The following ZSCAN25 variants were observed in gnomAD, a reference collection of about 807,000 sequenced individuals.
ZSCAN25 encodes the protein zinc finger and SCAN domain containing 25, also known as zinc finger and SCAN domain-containing protein 25.
ZSCAN25 carries 27 observed loss-of-function variants against 38.7 expected under a neutral mutation model. The ratio of observed to expected loss-of-function variants is 0.70; its 90% confidence interval spans 0.51 to 0.96. The LOEUF is 0.96. Among genes scored for constraint, ZSCAN25 ranks in the 40% least tolerant of loss-of-function variants. The pLI, the probability that ZSCAN25 is intolerant of heterozygous loss-of-function variation, is 0.00. For missense variants in ZSCAN25, 637 were observed against 705.9 expected (o/e 0.90, Z 1.11); for synonymous variants, 273 against 277.7 (o/e 0.98, Z 0.17).
the ZSCAN25 span, among the ~76,000 whole-genome samples, chr7:99,640,960 A>G: frequency 6.6e-6 from 1 of 152,158 alleles, no homozygotes; most frequent in Non-Finnish European, 1.5e-5. Flanking sequence ...GCTCTGTTCT[A>G]TCATCTGAGT....
the ZSCAN25 span, among the ~76,000 whole-genome samples, chr7:99,684,362 T>G: frequency 6.6e-6 from 1 of 152,080 alleles, no homozygotes; most frequent in South Asian, 2.1e-4. Flanking sequence ...GAGATGGGGT[T>G]TCACCATGTT....
At chr7:99,727,563 T>G in the ZSCAN25 span, among the ~76,000 whole-genome samples, 4 of 152,178 alleles carry the variant, frequency 2.6e-5, no homozygotes, top group Non-Finnish European at 5.9e-5. Context: ...CCATCTGACA[T>G]TCACTCTATT....
rs1355886382 is a variant in ZSCAN25 at position 99,619,100 on chromosome 7, TG to T, written c.-78del. 2.6e-5 allele frequency: 4 copies of T among 152,666 alleles called. No homozygotes were observed. Among genetic ancestry groups the T allele is most frequent in the African/African-American group, 9.6e-5 (4 of 41,482 alleles). The allele number at this position is 152,666 out of a possible 1,614,324, so 9.5% of individuals were successfully genotyped here. Reference sequence around the variant, plus strand: ...AGAGTTGCTTCCATTTGACTTTTTCTGTCTGCTGTACCAGCATATGAGTTTC... The same window carrying T: ...AGAGTTGCTTCCATTTGACTTTTTCTTCTGCTGTACCAGCATATGAGTTTC... On this transcript the variant is annotated 5_prime_UTR_variant, in exon 3 of 8. Coordinates refer to ENST00000394152, the MANE Select transcript of ZSCAN25 (RefSeq NM_145115.3).
the ZSCAN25 span, among the ~76,000 whole-genome samples, chr7:99,711,756 G>A: frequency 6.7e-6 from 1 of 149,734 alleles, no homozygotes; most frequent in Non-Finnish European, 1.5e-5. Flanking sequence ...CAACAAGAGC[G>A]AAAACTCTGT....
the ZSCAN25 span, chr7:99,676,226 A>G: frequency 6.2e-7 from 1 of 1,613,204 alleles, no homozygotes; most frequent in South Asian, 1.1e-5. Context: ...GTGAAACAGA[A>G]ATCAGGTCAC....
the ZSCAN25 span, among the ~76,000 whole-genome samples, chr7:99,690,628 T>G: frequency 8.9e-3 from 1,355 of 151,936 alleles, 44 homozygotes; most frequent in East Asian, 0.11. Flanking sequence ...AACAAGTGGG[T>G]GAAGGATATG....
At chr7:99,724,011 C>G in the ZSCAN25 span, among the ~76,000 whole-genome samples, 1 of 152,120 alleles carries the variant, frequency 6.6e-6, no homozygotes, top group Non-Finnish European at 1.5e-5. Context: ...TCCCCTGGGT[C>G]ACAAGTATCA....
the ZSCAN25 span, among the ~76,000 whole-genome samples, chr7:99,691,695 T>A: frequency 6.6e-6 from 1 of 152,216 alleles, no homozygotes; most frequent in Admixed American, 6.5e-5. Context: ...AAGTCTATTT[T>A]ATCAGAGAAT....
At chr7:99,723,963 T>A in the ZSCAN25 span, among the ~76,000 whole-genome samples, 1 of 152,222 alleles carries the variant, frequency 6.6e-6, no homozygotes, top group Non-Finnish European at 1.5e-5. Flanking sequence ...ACTGTGGGGA[T>A]GCCTGCCTTG....
downstream of ZSCAN25, among the ~76,000 whole-genome samples, chr7:99,633,979 G>A (rs749425318): frequency 1.3e-5 from 2 of 152,176 alleles, no homozygotes; most frequent in Non-Finnish European, 2.9e-5. Flanking sequence ...CTGGGACAGT[G>A]GTGTAAACCG....
chr7:99,733,044 A>T, the ZSCAN25 span, among the ~76,000 whole-genome samples: 1 of 152,218 alleles, frequency 6.6e-6, no homozygotes, highest in African/African-American at 2.4e-5. Context: ...TCGTGTTTGG[A>T]GAACCCAGCA....
At chr7:99,709,148 A>G in the ZSCAN25 span, 1 of 1,614,044 alleles carries the variant, frequency 6.2e-7, no homozygotes, top group Non-Finnish European at 8.5e-7. Context: ...TGATTTCAAC[A>G]TCTTTTTTGC....
the ZSCAN25 span, among the ~76,000 whole-genome samples, chr7:99,690,447 G>A: frequency 6.6e-6 from 1 of 152,232 alleles, no homozygotes; most frequent in East Asian, 1.9e-4. Flanking sequence ...TTGACAAATG[G>A]GATCTAATGA....
At chr7:99,705,331 A>C in the ZSCAN25 span, 1 of 748,776 alleles carries the variant, frequency 1.3e-6, no homozygotes, top group African/African-American at 1.8e-5. Flanking sequence ...ATAACACTCT[A>C]TACAGACCAT....
At chr7:99,663,191 G>A in the ZSCAN25 span, 13 of 1,107,976 alleles carry the variant, frequency 1.2e-5, no homozygotes, top group Non-Finnish European at 1.4e-5. Context: ...TTCCATCTCT[G>A]GTCATAACTG....
chr7:99,662,953 TCCTCAACCTCCCTTCTTGACTTCCCTC>T, the ZSCAN25 span: 46 of 1,595,888 alleles, frequency 2.9e-5, no homozygotes, highest in African/African-American at 4.2e-4. This position sits in a 1 kb window ranked among gnomAD's most constrained non-coding sequence, Gnocchi z 4.3. Flanking sequence ...AAAAGTGCAG[TCCTCAACCTCCCTTCTTGACTTCCCTC>T]CCTCAACCTC....
At chr7:99,667,118 G>T in the ZSCAN25 span, 1 of 1,521,228 alleles carries the variant, frequency 6.6e-7, no homozygotes, top group South Asian at 1.2e-5. Context: ...GATCTTCATG[G>T]TTGCACAAAA....
chr7:99,705,400 C>T, the ZSCAN25 span: 1 of 1,316,558 alleles, frequency 7.6e-7, no homozygotes, highest in Non-Finnish European at 1.1e-6. Flanking sequence ...TTGGATGAAG[C>T]CCGTCTTCAT....
At chr7:99,667,061 A>G in the ZSCAN25 span, 1 of 1,613,080 alleles carries the variant, frequency 6.2e-7, no homozygotes. Context: ...CACTGGGCCT[A>G]AAGACTAGAG....
Sources: allele counts gnomAD v4.1 joint callset (sites outside exome capture counted in the v4.1 genomes callset), GRCh38; gene constraint gnomAD v4.1.1; non-coding constraint Gnocchi (gnomAD v3.1); transcripts MANE v1.5; gene names NCBI Gene and HGNC (gene_info 2026-07-23, HGNC 2026-07-21).